PARK7: variants seen among roughly 807,000 people sequenced by gnomAD.
The protein encoded by PARK7 is Parkinsonism associated deglycase.
PARK7 carries 14 observed loss-of-function variants against 20.5 expected under a neutral mutation model. That is an observed-to-expected ratio of 0.68 (90% CI 0.45 to 1.07). PARK7 has a LOEUF of 1.07. Ranked by LOEUF, PARK7 falls within the 50% of genes least tolerant of loss-of-function variation. The pLI is 0.00. For synonymous variants in PARK7, 98 were observed against 84.3 expected, an observed-to-expected ratio of 1.16 and a Z score of -0.89; for missense variants, 234 against 238.1, an observed-to-expected ratio of 0.98 and a Z score of 0.11.
chr1:7,968,319 G>GAT (rs1640372640), intron 3 of PARK7, among the ~76,000 whole-genome samples: 1 of 136,484 alleles, frequency 7.3e-6, no homozygotes, highest in Non-Finnish European at 1.6e-5. Context: ...AAAAAAAAAA[G>GAT]AAAAGAAAAA....
At position 7,969,445 on chromosome 1, in the gene PARK7, G is replaced by C. The variant is rs753982672; in HGVS notation, c.252+41G>C. 85 of 987,164 alleles carry C rather than the reference G, an allele frequency of 8.6e-5. 1 individual carries two copies. The highest frequency in any genetic ancestry group is 5.1e-4 in the South Asian group (39 of 76,416). 61.2% of individuals were successfully genotyped at this position (987,164 alleles called of 1,614,324 possible). ...CAATTATACCTCAATAAAGCTGGGG[G>C]GGGGGAAAAACTAAAGAATTTCAGC... On this transcript the variant is annotated intron_variant, in intron 4 of 6. Transcript: ENST00000338639.
chr1:7,963,680 G>T (rs1268864747), intron 2 of PARK7, among the ~76,000 whole-genome samples: 1 of 151,920 alleles, frequency 6.6e-6, no homozygotes, highest in Non-Finnish European at 1.5e-5. Flanking sequence ...CGGCCCCTCA[G>T]ACTCGTTTCT....
At chr1:7,968,495 A>G (rs1640377546) in intron 3 of PARK7, among the ~76,000 whole-genome samples, 1 of 151,968 alleles carries the variant, frequency 6.6e-6, no homozygotes, top group Admixed American at 6.6e-5. Flanking sequence ...TGTGCCTTTT[A>G]CTTAAAATTT....
intron 5 of PARK7, chr1:7,971,177 G>C: frequency 3.3e-6 from 2 of 612,564 alleles, no homozygotes; most frequent in Non-Finnish European, 5.9e-6. Context: ...TCTACATGCT[G>C]TGAAACTTAG....
In PARK7 at chr1:7,968,707, G is replaced by C. The variant is rs551732952; in HGVS notation, c.193-638G>C. 3.0e-4 allele frequency among the ~76,000 whole-genome samples: 46 copies of C among 152,128 alleles called. No homozygotes were observed. The East Asian group carries it at 8.7e-3, about 29-fold the overall frequency. ...ATTTTCATATTTTTAGTAGAAATGG[G>C]GGTTTTGCCATGTTGGCCAGGCTGG... On this transcript the variant is annotated intron_variant, in intron 3 of 6. Coordinates refer to ENST00000338639, the MANE Select transcript of PARK7 (RefSeq NM_007262.5).
At chr1:7,971,422 C>A (rs1640462645) in intron 5 of PARK7, 1 of 196,058 alleles carries the variant, frequency 5.1e-6, no homozygotes, top group African/African-American at 2.3e-5. Context: ...ACCGAGTGAT[C>A]TTGGGCACCG....
intron 5 of PARK7, among the ~76,000 whole-genome samples, chr1:7,972,733 G>A (rs980359089): frequency 1.3e-5 from 2 of 151,838 alleles, no homozygotes; most frequent in African/African-American, 2.4e-5. Context: ...GTGAAATCCC[G>A]TTTCTACTAA....
At chr1:7,980,882 T>C (rs74053408) in intron 6 of PARK7, among the ~76,000 whole-genome samples, 135 of 152,254 alleles carry the variant, frequency 8.9e-4, no homozygotes, top group African/African-American at 3.2e-3. Context: ...TTCTTATCTT[T>C]TTTTTGATAG....
intron 4 of PARK7, among the ~76,000 whole-genome samples, chr1:7,970,346 G>A (rs563751603): frequency 6.6e-6 from 1 of 152,302 alleles, no homozygotes; most frequent in East Asian, 1.9e-4. Context: ...AGGGCAAATT[G>A]TCTACTCAAA....
chr1:7,981,075 C>G (rs1640699828), intron 6 of PARK7, among the ~76,000 whole-genome samples: 1 of 152,136 alleles, frequency 6.6e-6, no homozygotes, highest in Non-Finnish European at 1.5e-5. Flanking sequence ...GATTCCGTTT[C>G]TCATTTGTCC....
At chr1:7,963,634 T>C (rs1187361181) in intron 2 of PARK7, among the ~76,000 whole-genome samples, 1 of 151,808 alleles carries the variant, frequency 6.6e-6, no homozygotes, top group African/African-American at 2.4e-5. Context: ...CTTAGCCTTT[T>C]ACAGTGCTGG....
In PARK7 at chr1:7,962,666, TTAC is replaced by T. The variant is rs1386103970; in HGVS notation, c.-23-95_-23-93del. ...TGAAAACCGTTTCCCTAGGAAGTAC[TTAC>T]TCTGCTTGAAAATGCTCCTAAACTT... is the stretch of plus-strand genomic sequence containing the variant. On this transcript the variant is annotated intron_variant, in intron 1 of 6. Transcript: ENST00000338639. 5.4e-6 allele frequency: 4 copies of T among 741,898 alleles called. No homozygotes were observed. The African/African-American group carries it at 7.1e-5, about 13-fold the overall frequency. The allele number at this position is 741,898 out of a possible 1,614,324, so 46.0% of individuals were successfully genotyped here.
intron 3 of PARK7, among the ~76,000 whole-genome samples, chr1:7,965,690 C>T (rs1160708441): frequency 6.6e-6 from 1 of 152,124 alleles, no homozygotes; most frequent in African/African-American, 2.4e-5. Context: ...TGGGTTGGTG[C>T]TTAGATGGAT....
intron 5 of PARK7, among the ~76,000 whole-genome samples, chr1:7,974,134 A>ACAC (rs1553123768): frequency 4.6e-5 from 6 of 129,076 alleles, no homozygotes; most frequent in Non-Finnish European, 8.7e-5. Flanking sequence ...ACATAGTGAG[A>ACAC]CCCCCCCACC....
intron 5 of PARK7, among the ~76,000 whole-genome samples, chr1:7,977,179 G>A (rs1640601723): frequency 6.6e-6 from 1 of 152,130 alleles, no homozygotes. Context: ...CCCTCCTTTG[G>A]ACTCCTGGTA....
In PARK7 at chr1:7,985,029, A is replaced by G; in HGVS notation, c.545A>G (p.Lys182Arg). ...GGCAAGGAGGTGGCGGCTCAAGTGA[A>G]GGCTCCACTTGTTCTTAAAGACTAG... ...LNGKEVAAQV[K>R]APLVLKD is the part of the protein sequence containing the mutation. Residue 182 changes from lysine (K) to arginine (R), a missense_variant, in exon 7 of 7, where the codon AAG (lysine) becomes AGG (arginine). Coordinates refer to ENST00000338639, the MANE Select transcript of PARK7 (RefSeq NM_007262.5). The G allele has an allele frequency of 6.2e-7, 1 of 1,614,186 alleles. No individual in the cohort carries two copies. The highest frequency in any genetic ancestry group is 1.3e-5 in the African/African-American group (1 of 75,050).
chr1:7,981,174 G>A (rs927783268), intron 6 of PARK7, among the ~76,000 whole-genome samples: 7 of 152,218 alleles, frequency 4.6e-5, no homozygotes, highest in African/African-American at 1.7e-4. Context: ...GTGGCCCTCA[G>A]CTTCCCCACT....
intron 5 of PARK7, among the ~76,000 whole-genome samples, chr1:7,973,001 G>A (rs753825749): frequency 1.4e-4 from 22 of 152,040 alleles, no homozygotes; most frequent in Non-Finnish European, 1.6e-4. Context: ...AGTGAGCCGC[G>A]ATTACGCCAC....
intron 3 of PARK7, among the ~76,000 whole-genome samples, chr1:7,968,425 T>G (rs995549197): frequency 6.6e-6 from 1 of 152,102 alleles, no homozygotes; most frequent in African/African-American, 2.4e-5. Context: ...TAGGATTTTT[T>G]GGGGGGGATA....
Sources: allele counts gnomAD v4.1 joint callset (sites outside exome capture counted in the v4.1 genomes callset), GRCh38; gene constraint gnomAD v4.1.1; transcripts MANE v1.5; gene names NCBI Gene and HGNC (gene_info 2026-07-23, HGNC 2026-07-21).